The following ANLN variants were observed in gnomAD, a reference collection of about 807,000 sequenced individuals.
The protein encoded by ANLN is anillin.
Under a neutral mutation model 135.1 loss-of-function variants are expected in ANLN, and 59 were observed. The ratio of observed to expected loss-of-function variants is 0.44; its 90% CI spans 0.35 to 0.54. The LOEUF (loss-of-function observed/expected upper bound fraction) is 0.54, where lower values mean the gene tolerates loss of function less well. Among genes scored for constraint, ANLN ranks in the 20% least tolerant of loss-of-function variants. The pLI, the probability that ANLN is intolerant of heterozygous loss-of-function variation, is 0.00. For synonymous variants in ANLN, 406 were observed against 456.4 expected (o/e 0.89, Z 1.41); for missense variants, 1,182 against 1,340.0 (o/e 0.88, Z 1.84).
At chr7:36,444,512 A>C (rs1788912884) in intron 22 of ANLN, among the ~76,000 whole-genome samples, 1 of 152,064 alleles carries the variant, frequency 6.6e-6, no homozygotes, top group South Asian at 2.1e-4. Context: ...AGTTAGGGTA[A>C]AACAGTAATG....
intron 15 of ANLN, among the ~76,000 whole-genome samples, 160 bp downstream of exon 15, chr7:36,424,103 A>T (rs971519862): frequency 1.3e-5 from 2 of 152,122 alleles, no homozygotes; most frequent in African/African-American, 4.8e-5. Flanking sequence ...GCTTTAACTC[A>T]TATGTTTCTA....
At position 36,392,236 on chromosome 7, in the gene ANLN, G is replaced by A. The variant is rs528677855; in HGVS notation, c.18+2192G>A. On this transcript the variant is annotated intron_variant, in intron 1 of 23. Transcript: ENST00000265748. ...TATAAATAAGTATGCAAATAAACATGCCACTACCATTTTTAGTGGAATTTC... is the reference window on the plus strand; with the variant it reads ...TATAAATAAGTATGCAAATAAACATACCACTACCATTTTTAGTGGAATTTC... 2.9e-4 allele frequency among the ~76,000 whole-genome samples: 44 copies of A among 152,278 alleles called. No individual in the cohort carries two copies. The East Asian group carries it at 6.7e-3, about 23-fold the overall frequency.
At chr7:36,449,495 A>T in intron 22 of ANLN, 170 bp from the exon 23 acceptor site, 1 of 533,346 alleles carries the variant, frequency 1.9e-6, no homozygotes, top group Non-Finnish European at 3.2e-6. Context: ...ATGTCTAGCT[A>T]GGAACAATAA....
chr7:36,424,865 A>G lies in ANLN; in HGVS notation c.2709+123A>G, dbSNP rs1788017343. 1.2e-5 allele frequency: 11 copies of G among 912,650 alleles called. 1 individual carries two copies. Among genetic ancestry groups the G allele is most frequent in the Non-Finnish European group, 1.8e-5 (11 of 607,544 alleles). 56.5% of individuals were successfully genotyped at this position (912,650 alleles called of 1,614,324 possible). A position where few individuals can be genotyped will look rare whatever the true frequency, so the allele number is the denominator to read the frequency against. The stretch of plus-strand genomic sequence containing the variant: ...GTTTTTGGATCAGTTTCATGTTCCA[A>G]TTTGTAGTTACTATGTTAAATAGGT... On this transcript the variant is annotated intron_variant, in intron 17 of 23. Transcript: ENST00000265748.
chr7:36,397,651 G>A (rs987281042), intron 2 of ANLN, among the ~76,000 whole-genome samples: 2 of 152,182 alleles, frequency 1.3e-5, no homozygotes, highest in African/African-American at 2.4e-5. Flanking sequence ...AGTGGCTCAC[G>A]CCTGTAATCC....
In ANLN at chr7:36,389,920, C is replaced by G. The variant is rs756414289; in HGVS notation, c.-107C>G. 1.2e-6 allele frequency: 2 copies of G among 1,603,804 alleles called. No individual in the cohort carries two copies. Among genetic ancestry groups the G allele is most frequent in the Admixed American group, 1.7e-5 (1 of 59,874 alleles). On this transcript the variant is annotated 5_prime_UTR_variant, in exon 1 of 24. Transcript: ENST00000265748. ...GCTGGTTGTGGGAGAGTTCCCCCGC[C>G]TCAGACTCCTGGTTTTTTCCAGGAG...
chr7:36,422,536 T>G, intron 13 of ANLN, 97 bp from the exon 14 acceptor site: 1 of 1,082,018 alleles, frequency 9.2e-7, no homozygotes, highest in Non-Finnish European at 1.3e-6. Context: ...GTCTTCGCTG[T>G]TACGTACAGT....
At chr7:36,434,685 G>A (rs1340461137) in intron 20 of ANLN, among the ~76,000 whole-genome samples, 1 of 152,060 alleles carries the variant, frequency 6.6e-6, no homozygotes, top group Non-Finnish European at 1.5e-5. Context: ...TCAACATGAT[G>A]AAACCCCATC....
chr7:36,438,754 T>G lies in ANLN; in HGVS notation c.2884-450T>G, dbSNP rs138697038. ...GATTCCTTCAACTTTGTTCTTAATT[T>G]TCAAGATTGATTTGGTTGTTTGGGG... On this transcript the variant is annotated intron_variant, in intron 20 of 23. Coordinates refer to ENST00000265748, the MANE Select transcript of ANLN (RefSeq NM_018685.5). Among the ~76,000 whole-genome samples, 151 of 152,340 alleles carry G rather than the reference T, an allele frequency of 9.9e-4. 1 individual carries two copies. Among genetic ancestry groups the G allele is most frequent in the African/African-American group, 3.2e-3 (135 of 41,574 alleles).
intron 20 of ANLN, among the ~76,000 whole-genome samples, chr7:36,437,437 A>G (rs1312711582): frequency 6.6e-6 from 1 of 152,082 alleles, no homozygotes; most frequent in East Asian, 1.9e-4. Context: ...TCATTTATTG[A>G]TGGGCACTTA....
intron 22 of ANLN, among the ~76,000 whole-genome samples, chr7:36,447,486 G>C: frequency 6.8e-6 from 1 of 147,068 alleles, no homozygotes; most frequent in Non-Finnish European, 1.5e-5. Flanking sequence ...GTGCAGTCGC[G>C]GGATCTCGGC....
intron 12 of ANLN, 105 bp downstream of exon 12, chr7:36,420,849 C>A: frequency 8.6e-7 from 1 of 1,163,982 alleles, no homozygotes; most frequent in East Asian, 2.4e-5. Context: ...CCCTGAGTGG[C>A]CAGAATAGTG....
intron 22 of ANLN, 105 bp from the exon 23 acceptor site, chr7:36,449,557 AAAT>A: frequency 3.3e-5 from 28 of 856,076 alleles, no homozygotes; most frequent in Non-Finnish European, 4.6e-5. Context: ...TTTAACTTTT[AAAT>A]AATAGCTTTT....
intron 14 of ANLN, among the ~76,000 whole-genome samples, chr7:36,423,374 C>T (rs1327520790): frequency 1.3e-5 from 2 of 151,690 alleles, no homozygotes; most frequent in Non-Finnish European, 2.9e-5. Context: ...TCTGGAGGTA[C>T]GTGGTTATTA....
At chr7:36,396,944 T>TA (rs1786728678) in intron 2 of ANLN, among the ~76,000 whole-genome samples, 1 of 152,076 alleles carries the variant, frequency 6.6e-6, no homozygotes. Flanking sequence ...CACACACACA[T>TA]ACACACAAAC....
chr7:36,394,887 G>T (rs1002454654), intron 1 of ANLN, among the ~76,000 whole-genome samples: 4 of 152,072 alleles, frequency 2.6e-5, no homozygotes, highest in Admixed American at 2.6e-4. Flanking sequence ...TACTAAAATT[G>T]ACTTAAAAAT....
intron 19 of ANLN, 103 bp from the exon 20 acceptor site, chr7:36,426,813 C>G (rs1281212610): frequency 1.8e-6 from 1 of 552,810 alleles, no homozygotes; most frequent in Non-Finnish European, 3.0e-6. Flanking sequence ...TTTTTTTTCT[C>G]TGTGGCAGCT....
chr7:36,417,260 C>T, intron 9 of ANLN, 70 bp downstream of exon 9: 1 of 853,660 alleles, frequency 1.2e-6, no homozygotes, highest in Non-Finnish European at 1.8e-6. Context: ...GATAGAAGCA[C>T]ATATTCAAAT....
intron 20 of ANLN, among the ~76,000 whole-genome samples, chr7:36,435,851 C>G (rs367957674): frequency 9.7e-6 from 1 of 103,486 alleles, no homozygotes; most frequent in Non-Finnish European, 1.7e-5. Flanking sequence ...CCAGCCTGGG[C>G]GACAGAGCGA....
Sources: allele counts gnomAD v4.1 joint callset (sites outside exome capture counted in the v4.1 genomes callset), GRCh38; gene constraint gnomAD v4.1.1; transcripts MANE v1.5; gene names NCBI Gene and HGNC (gene_info 2026-07-23, HGNC 2026-07-21).